Variants in INTS9 observed in about 807,000 individuals in gnomAD.
INTS9 encodes integrator complex subunit 9.
In INTS9, 55 loss-of-function variants were observed where a neutral mutation model predicts 79.7. That is an observed-to-expected ratio of 0.69 (90% CI 0.56 to 0.86). INTS9 has a LOEUF of 0.86. INTS9 is among the 40% of genes least tolerant of loss of function. The probability of loss-of-function intolerance (pLI) is 0.00; values close to 1 mark genes in which losing one functional copy is unlikely to be tolerated. For synonymous variants in INTS9, 319 were observed against 325.2 expected (o/e 0.98, Z 0.20); for missense variants, 721 against 831.5 (o/e 0.87, Z 1.64).
chr8:28,837,057 C>A (rs1806846059), intron 5 of INTS9, among the ~76,000 whole-genome samples: 1 of 152,058 alleles, frequency 6.6e-6, no homozygotes, highest in Non-Finnish European at 1.5e-5. Context: ...ACCTGTGTCA[C>A]AAAGGCTTAG....
intron 6 of INTS9, among the ~76,000 whole-genome samples, chr8:28,829,098 A>G (rs1806326641): frequency 6.6e-6 from 1 of 152,256 alleles, no homozygotes; most frequent in African/African-American, 2.4e-5. Flanking sequence ...TAATGCTTGC[A>G]TGAGGATGAC....
intron 15 of INTS9, 143 bp from the exon 16 acceptor site, chr8:28,770,169 G>T (rs1585316912): frequency 9.4e-7 from 1 of 1,062,482 alleles, no homozygotes; most frequent in Non-Finnish European, 1.3e-6. Context: ...ACTCGGTTCA[G>T]GTTCCCTGGC....
intron 12 of INTS9, among the ~76,000 whole-genome samples, chr8:28,778,314 TC>T (rs1172325211): frequency 6.6e-6 from 1 of 152,172 alleles, no homozygotes; most frequent in African/African-American, 2.4e-5. Flanking sequence ...ATGAAAATCA[TC>T]AACAAATGCT....
intron 3 of INTS9, 105 bp from the exon 4 acceptor site, chr8:28,846,914 A>G: frequency 2.3e-6 from 2 of 853,754 alleles, no homozygotes; most frequent in Non-Finnish European, 2.0e-6. Flanking sequence ...ATCATAGACT[A>G]CTAGAGCTGG....
At chr8:28,854,311 ATCCTT>A (rs923468736) in intron 2 of INTS9, among the ~76,000 whole-genome samples, 4 of 152,192 alleles carry the variant, frequency 2.6e-5, no homozygotes, top group Non-Finnish European at 5.9e-5. Flanking sequence ...TAAATAAACA[ATCCTT>A]TCCTTTCAAG....
chr8:28,823,789 T>C lies in INTS9; in HGVS notation c.489-10177A>G, dbSNP rs191762475. Reference sequence around the variant, plus strand: ...AGGGAAAACAAAAAGTTGCACAAGATAGAAAAAATAATCCTAATAATCTTA... The same window carrying C: ...AGGGAAAACAAAAAGTTGCACAAGACAGAAAAAATAATCCTAATAATCTTA... On this transcript the variant is annotated intron_variant, in intron 6 of 16. Transcript: ENST00000521022. Among the ~76,000 whole-genome samples the C allele has an allele frequency of 3.0e-3, 459 of 152,210 alleles. 5 individuals carry two copies. The highest frequency in any genetic ancestry group is 0.025 in the Admixed American group (382 of 15,292).
intron 4 of INTS9, among the ~76,000 whole-genome samples, chr8:28,844,770 G>A (rs1269103735): frequency 6.6e-6 from 1 of 151,938 alleles, no homozygotes; most frequent in Non-Finnish European, 1.5e-5. Context: ...GAGCCAAGAT[G>A]GCACCACTGT....
intron 1 of INTS9, among the ~76,000 whole-genome samples, chr8:28,886,047 G>A (rs564455967): frequency 2.0e-5 from 3 of 152,192 alleles, no homozygotes; most frequent in African/African-American, 7.2e-5. Context: ...TTGTTTTCAT[G>A]TGGGTGTGTG....
intron 8 of INTS9, among the ~76,000 whole-genome samples, chr8:28,797,912 T>C (rs938542132): frequency 6.6e-6 from 1 of 152,232 alleles, no homozygotes; most frequent in African/African-American, 2.4e-5. Context: ...GGTCTCCGAG[T>C]AGCTGTGCCT....
At chr8:28,812,765 C>T (rs1027251755) in intron 7 of INTS9, among the ~76,000 whole-genome samples, 2 of 152,166 alleles carry the variant, frequency 1.3e-5, no homozygotes, top group African/African-American at 2.4e-5. Flanking sequence ...GCAGGAGGAT[C>T]ACTGGAGCCC....
At chr8:28,770,775 C>T (rs552494057) in intron 15 of INTS9, among the ~76,000 whole-genome samples, 7 of 152,340 alleles carry the variant, frequency 4.6e-5, no homozygotes, top group East Asian at 1.9e-4. Flanking sequence ...CGCGTGGCAG[C>T]GCTCCCCAAC....
At chr8:28,829,286 G>A (rs1806336474) in intron 6 of INTS9, among the ~76,000 whole-genome samples, 1 of 152,158 alleles carries the variant, frequency 6.6e-6, no homozygotes, top group African/African-American at 2.4e-5. Flanking sequence ...CAGAGACCCA[G>A]AATTACATTG....
intron 6 of INTS9, among the ~76,000 whole-genome samples, chr8:28,816,229 T>C (rs1423194754): frequency 6.6e-6 from 1 of 151,678 alleles, no homozygotes; most frequent in Non-Finnish European, 1.5e-5. Flanking sequence ...TGTATACATG[T>C]GCCATGCTGG....
chr8:28,777,795 ACT>A, intron 13 of INTS9, 32 bp downstream of exon 13: 2 of 1,568,980 alleles, frequency 1.3e-6, no homozygotes, highest in Non-Finnish European at 1.7e-6. Context: ...AGGTGACATG[ACT>A]ACGTGAAGGC....
chr8:28,773,311 A>C (rs1030381475), intron 14 of INTS9, among the ~76,000 whole-genome samples: 1 of 151,608 alleles, frequency 6.6e-6, no homozygotes, highest in Non-Finnish European at 1.5e-5. Context: ...AAAATACAAA[A>C]AAATTAGCTG....
rs553446412 is a variant in INTS9, at chr8:28,861,192, T to C, written c.10-1629A>G. Among the ~76,000 whole-genome samples, 27 of 152,356 alleles carry C rather than the reference T, an allele frequency of 1.8e-4. 1 individual carries two copies. The South Asian group carries it at 5.6e-3, about 32-fold the overall frequency. On this transcript the variant is annotated intron_variant, in intron 1 of 16. Transcript: ENST00000521022. The stretch of plus-strand genomic sequence containing the variant: ...GGATCCATGATTTTGGTAATTACAC[T>C]TTACATAAGTTCCTTCTTTGATAGG...
At chr8:28,818,689 C>T (rs1805645416) in intron 6 of INTS9, among the ~76,000 whole-genome samples, 1 of 151,520 alleles carries the variant, frequency 6.6e-6, no homozygotes, top group Admixed American at 6.6e-5. Context: ...GGAGGATTCC[C>T]TCTTTTTCTA....
At chr8:28,837,875 T>C in intron 4 of INTS9, 99 bp from the exon 5 acceptor site, 1 of 1,168,838 alleles carries the variant, frequency 8.6e-7, no homozygotes, top group Non-Finnish European at 1.2e-6. Flanking sequence ...AAGTAGTTTT[T>C]GTATTGCAGA....
chr8:28,883,305 T>C (rs1303266661), intron 1 of INTS9, among the ~76,000 whole-genome samples: 1 of 152,244 alleles, frequency 6.6e-6, no homozygotes, highest in Non-Finnish European at 1.5e-5. Flanking sequence ...TATTTTTATC[T>C]GAAGAAATGT....
Sources: allele counts gnomAD v4.1 joint callset (sites outside exome capture counted in the v4.1 genomes callset), GRCh38; gene constraint gnomAD v4.1.1; transcripts MANE v1.5; gene names NCBI Gene and HGNC (gene_info 2026-07-23, HGNC 2026-07-21).